The following NRG4 variants were observed in gnomAD, a reference collection of about 807,000 sequenced individuals.
NRG4 encodes pro-neuregulin-4, membrane-bound isoform.
In NRG4, 10 loss-of-function variants were observed where a neutral mutation model predicts 15.0. That is an observed-to-expected ratio of 0.67 (90% CI 0.41 to 1.13). NRG4 has a LOEUF of 1.13. Among genes scored for constraint, NRG4 ranks in the 50% most tolerant of loss-of-function variants. NRG4 has a pLI of 0.00. For missense variants in NRG4, 139 were observed against 140.2 expected (o/e 0.99, Z 0.04); for synonymous variants, 41 against 50.1 (o/e 0.82, Z 0.77).
upstream of NRG4, among the ~76,000 whole-genome samples, chr15:76,016,517 A>G (rs573349456): frequency 3.9e-4 from 59 of 152,302 alleles, 1 homozygote; most frequent in African/African-American, 1.3e-3. Context: ...GCTGTGTCCC[A>G]GAGATTCTGG....
At chr15:76,005,448 GC>G (rs71140192) in intron 3 of NRG4, among the ~76,000 whole-genome samples, 149,686 of 149,688 alleles carry the variant, frequency 1, 74,842 homozygotes, top group Middle Eastern at 1. Context: ...ACTTTGGGAA[GC>G]CCGAGGTGGG....
At chr15:75,993,403 A>G (rs2034098498) in intron 3 of NRG4, among the ~76,000 whole-genome samples, 1 of 148,816 alleles carries the variant, frequency 6.7e-6, no homozygotes, top group Non-Finnish European at 1.5e-5. Flanking sequence ...AAAAAAAAAA[A>G]AAAAAAAAAA....
Position 75,974,885 on chromosome 15 carries a change from CTTAG to C in NRG4, c.105-12915_105-12912del, listed in dbSNP as rs535128149. On this transcript the variant is annotated intron_variant, in intron 3 of 5. Transcript: ENST00000394907. ...TCTATTAGGTCTGCTTGGTCCAGAG[CTTAG>C]TTCAAGTTCTGAATATCCTTGTTAA... Among the ~76,000 whole-genome samples, 584 of 152,228 alleles carry C rather than the reference CTTAG, an allele frequency of 3.8e-3. 2 individuals are homozygous for C. The highest frequency in any genetic ancestry group is 0.013 in the African/African-American group (542 of 41,542).
intron 3 of NRG4, among the ~76,000 whole-genome samples, chr15:75,998,609 C>T (rs1030506656): frequency 7.2e-5 from 11 of 152,100 alleles, no homozygotes; most frequent in African/African-American, 2.7e-4. Context: ...GTTTTATAGG[C>T]CACTGGCTTT....
At chr15:75,935,456 T>G (rs772922581), downstream of NRG4, 1 of 152,110 alleles carries the variant, frequency 6.6e-6, no homozygotes, top group South Asian at 2.1e-4. Context: ...CTACATACTT[T>G]CAAAGCAAAA....
At chr15:76,004,063 T>C (rs2034506990) in intron 3 of NRG4, among the ~76,000 whole-genome samples, 1 of 152,220 alleles carries the variant, frequency 6.6e-6, no homozygotes, top group African/African-American at 2.4e-5. Context: ...GATTAATGTA[T>C]TGAGACGAAT....
intron 3 of NRG4, among the ~76,000 whole-genome samples, chr15:75,992,646 C>A (rs2141874416): frequency 6.6e-6 from 1 of 152,268 alleles, no homozygotes; most frequent in South Asian, 2.1e-4. Flanking sequence ...CATGAGCAAT[C>A]AATCGCCATT....
intron 5 of NRG4, among the ~76,000 whole-genome samples, chr15:75,947,819 T>C (rs934765356): frequency 6.6e-6 from 1 of 152,194 alleles, no homozygotes; most frequent in Non-Finnish European, 1.5e-5. Flanking sequence ...TCTGGTTTTT[T>C]GTTTGTTTGT....
intron 3 of NRG4, among the ~76,000 whole-genome samples, chr15:76,008,663 C>T (rs1035996120): frequency 6.6e-6 from 1 of 152,144 alleles, no homozygotes; most frequent in Admixed American, 6.5e-5. Context: ...TATACTCCCA[C>T]AGTGAATTAT....
intron 5 of NRG4, among the ~76,000 whole-genome samples, chr15:76,023,573 C>A (rs1464565746): frequency 6.6e-6 from 1 of 152,180 alleles, no homozygotes; most frequent in Non-Finnish European, 1.5e-5. Flanking sequence ...AAGGTGTGCA[C>A]TCCCCAACCC....
chr15:76,057,945 C>T (rs2036193593), intron 1 of NRG4, among the ~76,000 whole-genome samples: 1 of 151,808 alleles, frequency 6.6e-6, no homozygotes, highest in South Asian at 2.1e-4. Context: ...TATTAGGATA[C>T]AAAGATTCCT....
At chr15:76,009,632 G>A (rs2034735679) in intron 2 of NRG4, among the ~76,000 whole-genome samples, 1 of 152,034 alleles carries the variant, frequency 6.6e-6, no homozygotes, top group Non-Finnish European at 1.5e-5. Context: ...ACAGAGATTT[G>A]GCAGTATTAC....
chr15:75,984,761 A>G (rs1365999310), intron 3 of NRG4, among the ~76,000 whole-genome samples: 1 of 152,276 alleles, frequency 6.6e-6, no homozygotes, highest in South Asian at 2.1e-4. Flanking sequence ...TGTTCTGTAC[A>G]TGTATCCCAG....
chr15:76,025,796 G>A (rs1475869916), intron 5 of NRG4, among the ~76,000 whole-genome samples: 1 of 151,974 alleles, frequency 6.6e-6, no homozygotes, highest in African/African-American at 2.4e-5. Context: ...AAAACTGCTT[G>A]AACCCAGGAG....
At chr15:75,986,787 T>G (rs2033815659) in intron 3 of NRG4, among the ~76,000 whole-genome samples, 1 of 152,156 alleles carries the variant, frequency 6.6e-6, no homozygotes, top group South Asian at 2.1e-4. Flanking sequence ...GGTAACTATC[T>G]TGGAGGCAAA....
At chr15:75,997,701 G>C (rs10851884) in intron 3 of NRG4, among the ~76,000 whole-genome samples, 2 of 152,116 alleles carry the variant, frequency 1.3e-5, no homozygotes, top group South Asian at 4.1e-4. Context: ...TCACACTACT[G>C]TCTAATGCCC....
intron 3 of NRG4, among the ~76,000 whole-genome samples, chr15:75,976,127 G>A (rs75046188): frequency 0.011 from 1,610 of 151,984 alleles, 56 homozygotes; most frequent in East Asian, 0.064. Flanking sequence ...TGATCGATTT[G>A]TCTATTGATA....
chr15:76,026,974 T>C (rs1230721613), intron 5 of NRG4, among the ~76,000 whole-genome samples: 1 of 151,604 alleles, frequency 6.6e-6, no homozygotes, highest in Non-Finnish European at 1.5e-5. Flanking sequence ...CACAAAAAAA[T>C]AGTGGGGCAT....
At chr15:75,991,463 A>G (rs2034014111) in intron 3 of NRG4, among the ~76,000 whole-genome samples, 1 of 152,152 alleles carries the variant, frequency 6.6e-6, no homozygotes, top group Admixed American at 6.5e-5. Flanking sequence ...TAAATTTTCA[A>G]TGATAAAATT....
Sources: allele counts gnomAD v4.1 joint callset (sites outside exome capture counted in the v4.1 genomes callset), GRCh38; gene constraint gnomAD v4.1.1; transcripts MANE v1.5; gene names NCBI Gene and HGNC (gene_info 2026-07-23, HGNC 2026-07-21).